The following DACH1 variants were observed in gnomAD, a reference collection of about 807,000 sequenced individuals.
DACH1 encodes dachshund homolog 1.
DACH1 carries 12 observed loss-of-function variants against 54.2 expected under a neutral mutation model. That is an observed-to-expected ratio of 0.22 (90% confidence interval 0.14 to 0.36). The LOEUF is 0.36. DACH1 is among the 10% of genes least tolerant of loss of function. The pLI, the probability that DACH1 is intolerant of heterozygous loss-of-function variation, is 1.00. For synonymous variants in DACH1, 386 were observed against 366.2 expected (o/e 1.05, Z -0.62); for missense variants, 805 against 929.8 (o/e 0.87, Z 1.75).
chr13:71,631,372 G>A (rs1008374284), intron 2 of DACH1, among the ~76,000 whole-genome samples: 14 of 152,052 alleles, frequency 9.2e-5, no homozygotes, highest in African/African-American at 1.2e-4. Flanking sequence ...CCTGACCCAC[G>A]TTTATACCTG....
intron 6 of DACH1, among the ~76,000 whole-genome samples, chr13:71,497,113 C>T (rs1488219453): frequency 1.3e-5 from 2 of 151,972 alleles, no homozygotes; most frequent in Non-Finnish European, 2.9e-5. Context: ...TTTATTAAAA[C>T]GATGATTACC....
intron 1 of DACH1, among the ~76,000 whole-genome samples, chr13:71,849,714 G>A (rs572026436): frequency 1.2e-3 from 182 of 152,272 alleles, no homozygotes; most frequent in African/African-American, 4.2e-3. Context: ...ACATGTAGAG[G>A]CCACTGTACT....
chr13:71,801,797 C>A (rs1887298995), intron 1 of DACH1, among the ~76,000 whole-genome samples: 1 of 151,232 alleles, frequency 6.6e-6, no homozygotes, highest in African/African-American at 2.4e-5. Context: ...TAATGAACAC[C>A]TTCCAGTCAC....
At chr13:71,568,734 T>G (rs1885034242) in intron 4 of DACH1, among the ~76,000 whole-genome samples, 2 of 152,106 alleles carry the variant, frequency 1.3e-5, no homozygotes, top group African/African-American at 4.8e-5. Flanking sequence ...TATTTCTCCA[T>G]TATGGGGGAA....
intron 2 of DACH1, among the ~76,000 whole-genome samples, chr13:71,667,812 C>T (rs759616268): frequency 6.6e-6 from 1 of 151,946 alleles, no homozygotes; most frequent in Non-Finnish European, 1.5e-5. Context: ...CAAATAACTT[C>T]AAAATATCAT....
intron 7 of DACH1, among the ~76,000 whole-genome samples, chr13:71,485,575 C>CTTTTTTTTTTT (rs68024614): frequency 4.3e-4 from 20 of 46,164 alleles, no homozygotes; most frequent in Non-Finnish European, 5.4e-4. Context: ...TTCTTTTCTT[C>CTTTTTTTTTTT]TTTTTTTTTT....
intron 2 of DACH1, among the ~76,000 whole-genome samples, chr13:71,640,425 T>C (rs1320704709): frequency 2.0e-5 from 3 of 152,042 alleles, no homozygotes; most frequent in African/African-American, 7.2e-5. Context: ...ACAATATAAT[T>C]TGTGCCTGAA....
chr13:71,605,083 T>C (rs1874777141), intron 3 of DACH1, among the ~76,000 whole-genome samples: 2 of 151,968 alleles, frequency 1.3e-5, no homozygotes, highest in South Asian at 4.1e-4. Flanking sequence ...TATATTAAAA[T>C]ATTTTCTAAG....
intron 6 of DACH1, among the ~76,000 whole-genome samples, chr13:71,536,481 A>G (rs1882814943): frequency 6.6e-6 from 1 of 152,146 alleles, no homozygotes; most frequent in African/African-American, 2.4e-5. Flanking sequence ...GAGACAGAGC[A>G]TAATAATGAG....
At chr13:71,705,196 T>G (rs1733828255) in intron 1 of DACH1, among the ~76,000 whole-genome samples, 1 of 152,182 alleles carries the variant, frequency 6.6e-6, no homozygotes, top group Admixed American at 6.5e-5. Flanking sequence ...GAGTGAATAT[T>G]GTCAAGGTAG....
At position 71,476,049 on chromosome 13, in the gene DACH1, T is replaced by G. The variant is rs3737077; in HGVS notation, c.1871-200A>C. 1.5e-3 allele frequency among the ~76,000 whole-genome samples: 231 copies of G among 152,276 alleles called. 2 individuals carry two copies. Among genetic ancestry groups the G allele is most frequent in the East Asian group, 3.9e-3 (20 of 5,180 alleles). ...AAATAATAAGAAAGCCAATTTTTAT[T>G]TTAGCCTAGAACTATTACATTACAA... is the stretch of plus-strand genomic sequence containing the variant. On this transcript the variant is annotated intron_variant, in intron 8 of 10. Coordinates refer to ENST00000613252, the MANE Select transcript of DACH1 (RefSeq NM_080759.6).
At chr13:71,761,107 G>T (rs1263552266) in intron 1 of DACH1, among the ~76,000 whole-genome samples, 1 of 150,804 alleles carries the variant, frequency 6.6e-6, no homozygotes, top group African/African-American at 2.4e-5. Context: ...AAAAAAAAAA[G>T]CTTGAATTGA....
At chr13:71,596,314 G>GT (rs1165438168) in intron 3 of DACH1, among the ~76,000 whole-genome samples, 2 of 152,050 alleles carry the variant, frequency 1.3e-5, no homozygotes, top group Non-Finnish European at 2.9e-5. Flanking sequence ...TGCATGCCGT[G>GT]TGAGTCACTA....
intron 3 of DACH1, among the ~76,000 whole-genome samples, chr13:71,587,169 T>C (rs1873344420): frequency 6.6e-6 from 1 of 152,094 alleles, no homozygotes; most frequent in Non-Finnish European, 1.5e-5. Flanking sequence ...TTGTGTTTGT[T>C]GCACAAGTTT....
chr13:71,804,909 G>A (rs565042327), intron 1 of DACH1, among the ~76,000 whole-genome samples: 9 of 152,064 alleles, frequency 5.9e-5, no homozygotes, highest in Admixed American at 2.0e-4. Flanking sequence ...AGTATTTCAC[G>A]TTTGTTTGCT....
intron 6 of DACH1, among the ~76,000 whole-genome samples, chr13:71,532,169 C>T (rs2138308845): frequency 6.6e-6 from 1 of 151,982 alleles, no homozygotes. Flanking sequence ...CTTAGATTTC[C>T]ATCATTTTGA....
intron 2 of DACH1, among the ~76,000 whole-genome samples, chr13:71,674,207 G>A (rs893958238): frequency 3.9e-5 from 6 of 152,034 alleles, no homozygotes; most frequent in African/African-American, 1.4e-4. Context: ...ACCCCACCTG[G>A]ACTTCTCATA....
At chr13:71,552,288 A>C (rs572859212) in intron 6 of DACH1, among the ~76,000 whole-genome samples, 1 of 152,278 alleles carries the variant, frequency 6.6e-6, no homozygotes, top group South Asian at 2.1e-4. Flanking sequence ...ACTTAATCCA[A>C]GACCAAAATA....
At chr13:71,514,754 A>G (rs1371474252) in intron 6 of DACH1, among the ~76,000 whole-genome samples, 2 of 151,868 alleles carry the variant, frequency 1.3e-5, no homozygotes, top group African/African-American at 4.8e-5. Context: ...ATTCTTGCCT[A>G]TTTATAACTT....
Sources: allele counts gnomAD v4.1 joint callset (sites outside exome capture counted in the v4.1 genomes callset), GRCh38; gene constraint gnomAD v4.1.1; transcripts MANE v1.5; gene names NCBI Gene and HGNC (gene_info 2026-07-23, HGNC 2026-07-21).